ANXA11: variants seen among roughly 807,000 people sequenced by gnomAD.
The protein encoded by ANXA11 is 56 kDa autoantigen.
A neutral mutation model predicts 64.7 loss-of-function variants in ANXA11; 57 were observed. That is an observed-to-expected ratio of 0.88 (90% confidence interval 0.71 to 1.10). The LOEUF (loss-of-function observed/expected upper bound fraction) is 1.10, where lower values mean the gene tolerates loss of function less well. ANXA11 is among the 50% of genes least tolerant of loss of function. The probability of loss-of-function intolerance (pLI) is 0.00; values close to 1 mark genes in which losing one functional copy is unlikely to be tolerated. For missense variants in ANXA11, 675 were observed against 670.7 expected, an observed-to-expected ratio of 1.01 and a Z score of -0.07; for synonymous variants, 260 against 265.2, an observed-to-expected ratio of 0.98 and a Z score of 0.19.
At chr10:80,174,851 C>G (rs931790786) in intron 2 of ANXA11, among the ~76,000 whole-genome samples, 4 of 152,204 alleles carry the variant, frequency 2.6e-5, no homozygotes, top group Non-Finnish European at 5.9e-5. Context: ...GCCACTGTGC[C>G]CAGCCTACAT....
Position 80,205,494 on chromosome 10 carries a change from G to T in ANXA11, c.-209C>A, listed in dbSNP as rs1437704073. On this transcript the variant is annotated 5_prime_UTR_variant, in exon 1 of 16. Transcript: ENST00000422982. Reference sequence around the variant, plus strand: ...GCCCGCGGGGCACTCGGGGCACTGGGGAGCCGCGGGCGCAGCAGCCGTCAG... The same window carrying T: ...GCCCGCGGGGCACTCGGGGCACTGGTGAGCCGCGGGCGCAGCAGCCGTCAG... 1 of 152,072 alleles carries T rather than the reference G, an allele frequency of 6.6e-6. No individual in the cohort carries two copies. The highest frequency in any genetic ancestry group is 2.4e-5 in the African/African-American group (1 of 41,422). The allele number at this position is 152,072 out of a possible 1,614,324, so 9.4% of individuals were successfully genotyped here.
chr10:80,167,352 G>A, intron 5 of ANXA11, 39 bp from the exon 6 acceptor site: 1 of 1,583,100 alleles, frequency 6.3e-7, no homozygotes, highest in Non-Finnish European at 8.7e-7. Flanking sequence ...TGTCGTGCAT[G>A]CCGCCTTCCC....
chr10:80,189,845 T>A (rs1216603278), intron 1 of ANXA11, among the ~76,000 whole-genome samples: 1 of 152,128 alleles, frequency 6.6e-6, no homozygotes, highest in East Asian at 1.9e-4. Flanking sequence ...TTCACAGTAG[T>A]CAAAAGGTGG....
chr10:80,164,121 C>T lies in ANXA11; in HGVS notation c.881G>A (p.Cys294Tyr). Residue 294 changes from cysteine to tyrosine, a missense_variant, in exon 9 of 16, where the codon TGC (cysteine) becomes TAC (tyrosine). Transcript: ENST00000422982. ...GCGGGAAGCGAGGATCTCAATCAGGCAGGCTTCATCAGTGCCAACCCCCTG... is the reference window on the plus strand; with the variant it reads ...GCGGGAAGCGAGGATCTCAATCAGGTAGGCTTCATCAGTGCCAACCCCCTG... ...AIKGVGTDEACLIEILASRSN... is the reference protein window; with the variant it reads ...AIKGVGTDEAYLIEILASRSN... 6.2e-7 allele frequency: 1 copy of T among 1,614,104 alleles called. No homozygotes were observed. Among genetic ancestry groups the T allele is most frequent in the Non-Finnish European group, 8.5e-7 (1 of 1,179,966 alleles).
chr10:80,163,853 C>A (rs2132387756), intron 9 of ANXA11, among the ~76,000 whole-genome samples, 200 bp downstream of exon 9: 1 of 152,292 alleles, frequency 6.6e-6, no homozygotes, highest in Middle Eastern at 3.4e-3. Flanking sequence ...CTCTCCCTTA[C>A]ATTAGTCATT....
chr10:80,157,504 T>A, intron 15 of ANXA11, 137 bp downstream of exon 15: 1 of 1,481,464 alleles, frequency 6.8e-7, no homozygotes, highest in Non-Finnish European at 8.9e-7. Context: ...GGCAAGGGGA[T>A]GAACAAGTCC....
Position 80,166,203 on chromosome 10 carries a change from T to C in ANXA11, c.745-6A>G. The C allele has an allele frequency of 6.5e-7, 1 of 1,532,754 alleles. No individual in the cohort carries two copies. 94.9% of individuals were successfully genotyped at this position (1,532,754 alleles called of 1,614,324 possible). ...TTCAGATCTTTGATCAAATCCTGAT[T>C]GGATATTCAAACAAACAACCAACAA... is the stretch of plus-strand genomic sequence containing the variant. On this transcript the variant is annotated splice_region_variant and splice_polypyrimidine_tract_variant and intron_variant, in intron 7 of 15. Coordinates refer to ENST00000422982, the MANE Select transcript of ANXA11 (RefSeq NM_145868.2).
At chr10:80,157,204 G>C in intron 15 of ANXA11, 1 of 985,014 alleles carries the variant, frequency 1.0e-6, no homozygotes, top group Non-Finnish European at 1.2e-6. Context: ...TGGACTCCAA[G>C]TGGCGTGACC....
At chr10:80,202,977 C>T (rs1050270477) in intron 1 of ANXA11, among the ~76,000 whole-genome samples, 1 of 142,152 alleles carries the variant, frequency 7.0e-6, no homozygotes, top group Non-Finnish European at 1.5e-5. Flanking sequence ...ACCCAGGGAG[C>T]GGAGGTTGCA....
At chr10:80,202,999 T>C (rs1005819827) in intron 1 of ANXA11, among the ~76,000 whole-genome samples, 2 of 146,722 alleles carry the variant, frequency 1.4e-5, no homozygotes, top group South Asian at 2.1e-4. Context: ...TGAGCCAAGA[T>C]TGCATCACTG....
chr10:80,156,973 A>G (rs1845300492), intron 15 of ANXA11: 2 of 985,262 alleles, frequency 2.0e-6, no homozygotes, highest in South Asian at 4.7e-5. Context: ...TTTGAGCGTT[A>G]GACCACACAG....
Position 80,157,753 on chromosome 10 carries a change from G to C in ANXA11, c.1346C>G (p.Thr449Arg). ...RLNKAMRGAG[T>R]KDRTLIRIMV... The stretch of plus-strand genomic sequence containing the variant: ...GATGCGAATCAGGGTCCGGTCCTTT[G>C]TTCCTGCCCCCTAAAGAGAGTCCAC... Residue 449 changes from threonine (T) to arginine (R), a missense_variant, in exon 15 of 16, where the codon ACA becomes AGA. Thr to Arg is a moderately conservative substitution (Grantham distance 71). Transcript: ENST00000422982. 6.2e-7 allele frequency: 1 copy of C among 1,613,506 alleles called. No homozygotes were observed. Among genetic ancestry groups the C allele is most frequent in the Non-Finnish European group, 8.5e-7 (1 of 1,179,700 alleles).
chr10:80,172,710 G>A (rs1190368759), intron 3 of ANXA11, 97 bp downstream of exon 3: 12 of 1,234,750 alleles, frequency 9.7e-6, no homozygotes, highest in Non-Finnish European at 1.4e-5. Flanking sequence ...GCTGTGAGGG[G>A]AGGAGGGGAG....
chr10:80,168,968 C>T lies in ANXA11; in HGVS notation c.561+1G>A. ...AAGGGAGGCAGTGGGCTGACACTCACCTGGGTTGGGGGCACAGCGGGGGTG... is the reference window on the plus strand; with the variant it reads ...AAGGGAGGCAGTGGGCTGACACTCATCTGGGTTGGGGGCACAGCGGGGGTG... On this transcript the variant is annotated splice_donor_variant, in intron 5 of 15. Transcript: ENST00000422982. LOFTEE classifies it high-confidence loss of function. 1.3e-6 allele frequency: 2 copies of T among 1,527,062 alleles called. No homozygotes were observed. Among genetic ancestry groups the T allele is most frequent in the Non-Finnish European group, 1.8e-6 (2 of 1,142,756 alleles). The allele number at this position is 1,527,062 out of a possible 1,614,324, so 94.6% of individuals were successfully genotyped here.
At position 80,155,233 on chromosome 10, in the gene ANXA11, C is replaced by T. The variant is rs757390793; in HGVS notation, c.*620G>A. 1 of 152,698 alleles carries T rather than the reference C, an allele frequency of 6.5e-6. No individual in the cohort carries two copies. The highest frequency in any genetic ancestry group is 6.5e-5 in the Admixed American group (1 of 15,286). 9.5% of individuals were successfully genotyped at this position (152,698 alleles called of 1,614,324 possible). A position where few individuals can be genotyped will look rare whatever the true frequency, so the allele number is the denominator to read the frequency against. On this transcript the variant is annotated 3_prime_UTR_variant, in exon 16 of 16. Coordinates refer to ENST00000422982, the MANE Select transcript of ANXA11 (RefSeq NM_145868.2). ...CCACAAATTACAAGAAGCCCTGTCA[C>T]TGACAGGGAACTGGCTTTGTTCTCG...
chr10:80,156,919 C>T (rs1564596783), intron 15 of ANXA11: 2 of 860,360 alleles, frequency 2.3e-6, no homozygotes, highest in Non-Finnish European at 2.8e-6. Flanking sequence ...GGTGGGAGGA[C>T]GTGGTCCCCA....
rs1554834982 is a variant in ANXA11 at position 80,188,511 on chromosome 10, A to ATATATATATATATATATATATG, written c.-57-12357_-57-12356insCATATATATATATATATATATA. Among the ~76,000 whole-genome samples, 538 of 126,382 alleles carry ATATATATATATATATATATATG rather than the reference A, an allele frequency of 4.3e-3. 33 individuals carry two copies. Among genetic ancestry groups the ATATATATATATATATATATATG allele is most frequent in the Non-Finnish European group, 6.1e-3 (365 of 59,602 alleles). The allele number at this position is 126,382 out of a possible 152,430, so 82.9% of individuals were successfully genotyped here. ...TATATATATATATATATATATATAT[A>ATATATATATATATATATATATG]GCACTACAACAGGTATTAGCACACA... On this transcript the variant is annotated intron_variant, in intron 1 of 15. Transcript: ENST00000422982.
chr10:80,166,634 A>G (rs1813617779), intron 7 of ANXA11: 3 of 542,000 alleles, frequency 5.5e-6, no homozygotes, highest in Admixed American at 3.3e-5. Context: ...TGTGGCCACA[A>G]CCTCAGTGAG....
intron 13 of ANXA11, 84 bp downstream of exon 13, chr10:80,159,016 T>A: frequency 7.0e-6 from 7 of 1,001,180 alleles, no homozygotes; most frequent in Non-Finnish European, 9.5e-6. Flanking sequence ...GTGTCACCCA[T>A]CAGCTGGAGG....
Sources: allele counts gnomAD v4.1 joint callset (sites outside exome capture counted in the v4.1 genomes callset), GRCh38; gene constraint gnomAD v4.1.1; transcripts MANE v1.5; gene names NCBI Gene and HGNC (gene_info 2026-07-23, HGNC 2026-07-21).